The following NRG1 variants were observed in gnomAD, a reference collection of about 807,000 sequenced individuals.
The protein encoded by NRG1 is neuregulin 1, also known as pro-neuregulin-1, membrane-bound isoform.
Under a neutral mutation model 63.8 loss-of-function variants are expected in NRG1, and 18 were observed. The observed-to-expected ratio is 0.28, with a 90% CI of 0.19 to 0.42. The LOEUF is 0.42. NRG1 is among the 10% of genes least tolerant of loss of function. The pLI, the probability that NRG1 is intolerant of heterozygous loss-of-function variation, is 1.00. For synonymous variants in NRG1, 302 were observed against 301.3 expected (o/e 1.00, Z -0.02); for missense variants, 762 against 814.7 (o/e 0.94, Z 0.79).
Position 31,640,054 on chromosome 8 carries a change from G to A in NRG1, c.37+623G>A. The A allele has an allele frequency of 8.8e-7, 1 of 1,142,580 alleles. No individual in the cohort carries two copies. Among genetic ancestry groups the A allele is most frequent in the South Asian group, 4.2e-5 (1 of 23,576 alleles). The allele number at this position is 1,142,580 out of a possible 1,614,324, so 70.8% of individuals were successfully genotyped here. On this transcript the variant is annotated intron_variant, in intron 1 of 10. Transcript: ENST00000519301. The surrounding 1 kb of genome is among the most constrained non-coding windows in gnomAD (Gnocchi z 6.3). ...CCGGGCCCAGCGCCCCGGCTCCGCC[G>A]CCCGCTCGTCGCCGCCGCTGCCGCT...
At chr8:32,325,301 G>A (rs1237617868) in intron 1 of NRG1, among the ~76,000 whole-genome samples, 1 of 152,168 alleles carries the variant, frequency 6.6e-6, no homozygotes, top group African/African-American at 2.4e-5. Flanking sequence ...CTGTTACGGG[G>A]TGGGGCACAA....
At chr8:32,557,114 T>C (rs2439310) in intron 1 of NRG1, among the ~76,000 whole-genome samples, 24,520 of 152,118 alleles carry the variant, frequency 0.16, 2,151 homozygotes, top group Middle Eastern at 0.2. Context: ...CATGCCATTC[T>C]CCTGCCTCAG....
chr8:32,472,005 C>T (rs1168325641), intron 1 of NRG1, among the ~76,000 whole-genome samples: 3 of 152,156 alleles, frequency 2.0e-5, no homozygotes, highest in African/African-American at 4.8e-5. Flanking sequence ...GATGGGGACT[C>T]ACTCTCTCCC....
At chr8:32,369,322 A>G (rs1164638177) in intron 1 of NRG1, among the ~76,000 whole-genome samples, 1 of 152,242 alleles carries the variant, frequency 6.6e-6, no homozygotes, top group Non-Finnish European at 1.5e-5. Context: ...TGGGAAAGAA[A>G]GCATCTTGCC....
chr8:32,113,079 C>A (rs893009379), intron 1 of NRG1, among the ~76,000 whole-genome samples: 2 of 152,118 alleles, frequency 1.3e-5, no homozygotes, highest in African/African-American at 2.4e-5. Flanking sequence ...GGGGCTGTAC[C>A]ACTGGGCAGG....
At chr8:32,002,584 G>A (rs1165571189) in intron 1 of NRG1, among the ~76,000 whole-genome samples, 10 of 151,478 alleles carry the variant, frequency 6.6e-5, no homozygotes, top group Non-Finnish European at 1.3e-4. Flanking sequence ...GGCTTATCTT[G>A]CATATTTTCT....
chr8:32,428,011 G>A (rs141878850), intron 1 of NRG1, among the ~76,000 whole-genome samples: 4 of 152,324 alleles, frequency 2.6e-5, no homozygotes, highest in Non-Finnish European at 4.4e-5. Context: ...AACATCCACT[G>A]AGTGTTGGCC....
At chr8:31,797,447 G>A (rs1393953) in intron 1 of NRG1, among the ~76,000 whole-genome samples, 30,628 of 152,144 alleles carry the variant, frequency 0.2, 3,528 homozygotes, top group Middle Eastern at 0.25. Flanking sequence ...CAGCCCCAAA[G>A]TTTAAGATCT....
Position 31,996,926 on chromosome 8 carries a change from G to A in NRG1, c.37+357495G>A, listed in dbSNP as rs192363419. Among the ~76,000 whole-genome samples, 172 of 152,034 alleles carry A rather than the reference G, an allele frequency of 1.1e-3. 2 individuals carry two copies. Among genetic ancestry groups the A allele is most frequent in the African/African-American group, 4.0e-3 (168 of 41,512 alleles). ...CATGCCCCATCTCTACTAAGGGGGG[G>A]TGGGATTCACTGTCAAAAGAGTTCT... is the stretch of plus-strand genomic sequence containing the variant. On this transcript the variant is annotated intron_variant, in intron 1 of 10. Transcript: ENST00000519301.
At chr8:32,659,967 C>T (rs1419670107) in intron 5 of NRG1, among the ~76,000 whole-genome samples, 1 of 152,154 alleles carries the variant, frequency 6.6e-6, no homozygotes, top group Admixed American at 6.5e-5. Flanking sequence ...TGTGCTTTAT[C>T]ACATTTAGAT....
chr8:32,104,663 T>A (rs1183635953), intron 1 of NRG1, among the ~76,000 whole-genome samples: 2 of 152,042 alleles, frequency 1.3e-5, no homozygotes, highest in Admixed American at 6.5e-5. Context: ...TACAAACTTT[T>A]TTGAATTTTT....
At chr8:32,662,370 G>T (rs1049496616) in intron 5 of NRG1, among the ~76,000 whole-genome samples, 1 of 152,192 alleles carries the variant, frequency 6.6e-6, no homozygotes, top group Admixed American at 6.5e-5. Flanking sequence ...TAGCATGGGA[G>T]GCAGGAGGTA....
chr8:32,071,142 T>C (rs1231219947), intron 1 of NRG1, among the ~76,000 whole-genome samples: 1 of 152,218 alleles, frequency 6.6e-6, no homozygotes, highest in Non-Finnish European at 1.5e-5. Flanking sequence ...TCATGACTGG[T>C]GCTTGCTTAT....
intron 1 of NRG1, among the ~76,000 whole-genome samples, chr8:32,571,116 A>C (rs550909346): frequency 6.6e-6 from 1 of 152,340 alleles, no homozygotes; most frequent in African/African-American, 2.4e-5. Flanking sequence ...AACTTGTTAT[A>C]GTCTTCATAA....
intron 1 of NRG1, among the ~76,000 whole-genome samples, chr8:31,876,258 G>A (rs941431453): frequency 6.6e-6 from 1 of 152,048 alleles, no homozygotes; most frequent in African/African-American, 2.4e-5. Flanking sequence ...AGCTTGTTAG[G>A]GTTACCCAAT....
At chr8:32,301,360 C>G (rs960590923) in intron 1 of NRG1, among the ~76,000 whole-genome samples, 1 of 152,186 alleles carries the variant, frequency 6.6e-6, no homozygotes, top group Middle Eastern at 3.2e-3. Flanking sequence ...ATTTGGTATA[C>G]ATACCTGCAG....
intron 1 of NRG1, among the ~76,000 whole-genome samples, chr8:31,984,840 T>C (rs1044579729): frequency 6.6e-6 from 1 of 152,156 alleles, no homozygotes; most frequent in African/African-American, 2.4e-5. Context: ...GCACATCATA[T>C]GTTTATTTAA....
At chr8:32,053,819 A>T (rs1013685163) in intron 1 of NRG1, among the ~76,000 whole-genome samples, 1 of 152,202 alleles carries the variant, frequency 6.6e-6, no homozygotes, top group Non-Finnish European at 1.5e-5. Context: ...TGAGCTAAAT[A>T]TTCTTTAAAT....
intron 1 of NRG1, among the ~76,000 whole-genome samples, chr8:32,309,988 G>T (rs1435300277): frequency 6.6e-6 from 1 of 152,214 alleles, no homozygotes; most frequent in Non-Finnish European, 1.5e-5. Flanking sequence ...CCTAGATTTT[G>T]CTCAATGAAC....
Sources: gnomAD v4.1 joint callset for allele counts (sites outside exome capture counted in the v4.1 genomes callset) on GRCh38, gnomAD v4.1.1 for gene constraint, Gnocchi (gnomAD v3.1) non-coding constraint, MANE v1.5 for transcripts, NCBI Gene and HGNC (gene_info 2026-07-23, HGNC 2026-07-21) for gene names.